TBC1D22A: variants seen among roughly 807,000 people sequenced by gnomAD.
TBC1D22A encodes the protein TBC1 domain family member 22A.
TBC1D22A carries 38 observed loss-of-function variants against 60.2 expected under a neutral mutation model. That is an observed-to-expected ratio of 0.63 (90% confidence interval 0.49 to 0.83). The LOEUF is 0.83. Ranked by LOEUF, TBC1D22A falls within the 40% of genes least tolerant of loss-of-function variation. TBC1D22A has a pLI of 0.00. For synonymous variants in TBC1D22A, 302 were observed against 281.7 expected (o/e 1.07, Z -0.72); for missense variants, 628 against 701.0 (o/e 0.90, Z 1.18).
intron 10 of TBC1D22A, among the ~76,000 whole-genome samples, chr22:47,004,199 A>G (rs2061501461): frequency 7.2e-6 from 1 of 139,822 alleles, no homozygotes; most frequent in Admixed American, 7.0e-5. Flanking sequence ...TATACTCCTC[A>G]TACATACACA....
intron 11 of TBC1D22A, among the ~76,000 whole-genome samples, chr22:47,111,034 C>T (rs2065825439): frequency 6.6e-6 from 1 of 152,238 alleles, no homozygotes; most frequent in Non-Finnish European, 1.5e-5. Flanking sequence ...GTTCATTTCC[C>T]AGGGAGACCC....
At chr22:46,946,306 T>C (rs1158421337) in intron 8 of TBC1D22A, among the ~76,000 whole-genome samples, 3 of 152,214 alleles carry the variant, frequency 2.0e-5, no homozygotes, top group Non-Finnish European at 2.9e-5. Flanking sequence ...GGAATAGAGC[T>C]GGCCAGCACA....
chr22:46,825,905 C>T (rs569892165), intron 4 of TBC1D22A, among the ~76,000 whole-genome samples: 91 of 135,808 alleles, frequency 6.7e-4, no homozygotes, highest in African/African-American at 2.2e-3. Flanking sequence ...TTTTTTGAAA[C>T]GGAGTCTTGC....
Position 46,891,346 on chromosome 22 carries a change from C to T in TBC1D22A, c.789C>T (p.His263=), listed in dbSNP as rs1248252095. The change falls in exon 6 of 13, where the codon CAC becomes CAT. Residue 263 remains histidine (H), a synonymous_variant. Transcript: ENST00000337137. ...KQKEYFAFIE[H]YYDSRNDEVH... ...AAGAATATTTTGCATTTATTGAGCACTATTACGATTCTAGGAACGACGAAG... is the reference window on the plus strand; with the variant it reads ...AAGAATATTTTGCATTTATTGAGCATTATTACGATTCTAGGAACGACGAAG... 2 of 1,613,398 alleles carry T rather than the reference C, an allele frequency of 1.2e-6. No individual in the cohort carries two copies. Among genetic ancestry groups the T allele is most frequent in the South Asian group, 1.1e-5 (1 of 90,884 alleles).
intron 3 of TBC1D22A, among the ~76,000 whole-genome samples, chr22:46,795,453 T>C (rs752796424): frequency 8.5e-5 from 13 of 152,170 alleles, no homozygotes; most frequent in Non-Finnish European, 1.8e-4. Flanking sequence ...CGGGGAGCTA[T>C]GAGATGTCAC....
At chr22:46,930,492 G>C (rs2071293670) in intron 8 of TBC1D22A, among the ~76,000 whole-genome samples, 1 of 151,938 alleles carries the variant, frequency 6.6e-6, no homozygotes, top group South Asian at 2.1e-4. Flanking sequence ...GTCTCGCTCT[G>C]TCACCCAGGC....
chr22:47,037,298 C>T (rs986476615), intron 11 of TBC1D22A, 100 bp downstream of exon 11: 24 of 1,496,364 alleles, frequency 1.6e-5, no homozygotes, highest in Non-Finnish European at 2.1e-5. Context: ...TCGATTTTTT[C>T]TTCCAAGCGC....
At chr22:46,940,974 T>C (rs1194753401) in intron 8 of TBC1D22A, among the ~76,000 whole-genome samples, 1 of 135,854 alleles carries the variant, frequency 7.4e-6, no homozygotes, top group Non-Finnish European at 1.5e-5. Context: ...AGAATATATA[T>C]ATATATGTAT....
At chr22:46,901,715 G>A (rs1171816946) in intron 7 of TBC1D22A, among the ~76,000 whole-genome samples, 2 of 152,124 alleles carry the variant, frequency 1.3e-5, no homozygotes, top group Non-Finnish European at 2.9e-5. Flanking sequence ...ACATGGGGGG[G>A]GGATGTTCCT....
intron 12 of TBC1D22A, among the ~76,000 whole-genome samples, chr22:47,136,463 T>TGTGTGAAATAACAGTGTAAATGTGGG (rs1243331010): frequency 7.2e-5 from 11 of 152,308 alleles, no homozygotes; most frequent in Middle Eastern, 3.4e-3. Flanking sequence ...CCTCAGTTTG[T>TGTGTGAAATAACAGTGTAAATGTGGG]GTGTGAAATA....
At chr22:47,144,133 G>C (rs2067207824) in intron 12 of TBC1D22A, among the ~76,000 whole-genome samples, 1 of 152,100 alleles carries the variant, frequency 6.6e-6, no homozygotes, top group African/African-American at 2.4e-5. Context: ...CCAGGGAAAG[G>C]GTGTCCCAAA....
At chr22:46,830,227 A>G (rs1310596598) in intron 4 of TBC1D22A, among the ~76,000 whole-genome samples, 1 of 152,192 alleles carries the variant, frequency 6.6e-6, no homozygotes, top group East Asian at 1.9e-4. Flanking sequence ...GGCATGGTGG[A>G]TGGTCTGCTT....
At chr22:47,054,539 C>T (rs907562302) in intron 11 of TBC1D22A, among the ~76,000 whole-genome samples, 2 of 152,238 alleles carry the variant, frequency 1.3e-5, no homozygotes, top group African/African-American at 4.8e-5. Flanking sequence ...CTCGCCATGT[C>T]CATCTGCTGG....
rs111543712 is a variant in TBC1D22A, at chr22:46,902,276, C to T, written c.900+7430C>T. On this transcript the variant is annotated intron_variant, in intron 7 of 12. Transcript: ENST00000337137. The stretch of plus-strand genomic sequence containing the variant: ...CTCTGGTTTTTAAATTTCTTCAGCC[C>T]TGGTGGTACCCAGTAGTAGCAACCA... Among the ~76,000 whole-genome samples, 428 of 152,342 alleles carry T rather than the reference C, an allele frequency of 2.8e-3. 1 individual carries two copies. The highest frequency in any genetic ancestry group is 9.7e-3 in the African/African-American group (402 of 41,574).
chr22:47,157,673 A>G (rs2147192780), intron 12 of TBC1D22A, among the ~76,000 whole-genome samples: 1 of 152,244 alleles, frequency 6.6e-6, no homozygotes. Context: ...TTCTGGTTCC[A>G]CAGCTCGCTG....
intron 11 of TBC1D22A, 120 bp from the exon 12 acceptor site, chr22:47,111,388 A>G: frequency 1.2e-6 from 1 of 821,238 alleles, no homozygotes; most frequent in Non-Finnish European, 2.0e-6. Context: ...GTGAGTCAAC[A>G]CAAGCTTTGG....
chr22:47,080,575 T>C (rs1054387415), intron 11 of TBC1D22A, among the ~76,000 whole-genome samples: 1 of 151,980 alleles, frequency 6.6e-6, no homozygotes, highest in Admixed American at 6.6e-5. Context: ...TTTGAATTTG[T>C]GGGTTATAGC....
chr22:46,963,901 C>T (rs1018624453), intron 8 of TBC1D22A, among the ~76,000 whole-genome samples: 4 of 151,956 alleles, frequency 2.6e-5, no homozygotes, highest in African/African-American at 7.3e-5. Flanking sequence ...TGAAGGCTCT[C>T]GGGAGCTGGC....
intron 1 of TBC1D22A, chr22:46,774,205 T>C (rs2083604509): frequency 1.0e-5 from 10 of 985,558 alleles, no homozygotes; most frequent in Non-Finnish European, 1.2e-5. Context: ...AGGCTTGCTG[T>C]GCTCGGCAGC....
Sources: gnomAD v4.1 joint callset for allele counts (sites outside exome capture counted in the v4.1 genomes callset) on GRCh38, gnomAD v4.1.1 for gene constraint, MANE v1.5 for transcripts, NCBI Gene and HGNC (gene_info 2026-07-23, HGNC 2026-07-21) for gene names.